Variants in CELF2 observed in about 807,000 individuals in gnomAD.
CELF2 encodes the protein CUGBP Elav-like family member 2.
In CELF2, 8 loss-of-function variants were observed where a neutral mutation model predicts 62.6. The ratio of observed to expected loss-of-function variants is 0.13; its 90% CI spans 0.07 to 0.23. CELF2 has a LOEUF of 0.23. CELF2 is among the 10% of genes least tolerant of loss of function. The probability of loss-of-function intolerance (pLI) is 1.00; values close to 1 mark genes in which losing one functional copy is unlikely to be tolerated. For synonymous variants in CELF2, 258 were observed against 250.0 expected (o/e 1.03, Z -0.30); for missense variants, 333 against 671.0 (o/e 0.50, Z 5.56).
the CELF2 span, among the ~76,000 whole-genome samples, chr10:10,711,541 G>C: frequency 6.6e-6 from 1 of 152,226 alleles, no homozygotes; most frequent in South Asian, 2.1e-4. Flanking sequence ...GCCCCAGTTT[G>C]TACATCTGGA....
the CELF2 span, among the ~76,000 whole-genome samples, chr10:10,508,637 C>A: frequency 6.7e-6 from 1 of 150,154 alleles, no homozygotes; most frequent in Non-Finnish European, 1.5e-5. Flanking sequence ...TCAATACTTC[C>A]CTCACCCAGA....
rs989284752 is a variant in CELF2, at chr10:11,332,409, C to T, written c.*3356C>T. ...TACCAGGTGTCTGGAGTTAGAAGCCCATAGCCCTTTCCCAGCCTTTTTGGT... is the reference window on the plus strand; with the variant it reads ...TACCAGGTGTCTGGAGTTAGAAGCCTATAGCCCTTTCCCAGCCTTTTTGGT... On this transcript the variant is annotated 3_prime_UTR_variant, in exon 13 of 13. Coordinates refer to ENST00000633077, the MANE Select transcript of CELF2 (RefSeq NM_001326342.2). 5.2e-5 allele frequency: 8 copies of T among 152,404 alleles called. No individual in the cohort carries two copies. Among genetic ancestry groups the T allele is most frequent in the Admixed American group, 2.0e-4 (3 of 15,278 alleles). The allele number at this position is 152,404 out of a possible 1,614,324, so 9.4% of individuals were successfully genotyped here. A position where few individuals can be genotyped will look rare whatever the true frequency, so the allele number is the denominator to read the frequency against.
At chr10:11,131,140 A>C (rs562398716) in intron 1 of CELF2, among the ~76,000 whole-genome samples, 1 of 152,262 alleles carries the variant, frequency 6.6e-6, no homozygotes, top group Admixed American at 6.5e-5. Context: ...GATTTCTTCA[A>C]AACACTTGGC....
At chr10:11,077,968 T>G (rs534717267) in intron 1 of CELF2, among the ~76,000 whole-genome samples, 1 of 152,236 alleles carries the variant, frequency 6.6e-6, no homozygotes, top group South Asian at 2.1e-4. Context: ...AAGTAATCCT[T>G]GAGAAAAGCA....
In CELF2 at chr10:10,962,377, C is replaced by A. The variant is rs550817349; in HGVS notation, c.89+42378C>A. 1.9e-3 allele frequency among the ~76,000 whole-genome samples: 295 copies of A among 152,326 alleles called. 1 individual carries two copies. Among genetic ancestry groups the A allele is most frequent in the African/African-American group, 6.9e-3 (286 of 41,580 alleles). Reference sequence around the variant, plus strand: ...GTTATAGGATAAGACCAGAATTCTGCCCTAAGGGGCTTTTGTGCTTGAAGT... The same window carrying A: ...GTTATAGGATAAGACCAGAATTCTGACCTAAGGGGCTTTTGTGCTTGAAGT... On this transcript the variant is annotated intron_variant, in intron 2 of 13. Transcript: ENST00000636488.
chr10:10,638,728 C>T, the CELF2 span, among the ~76,000 whole-genome samples: 4 of 152,172 alleles, frequency 2.6e-5, no homozygotes, highest in Non-Finnish European at 5.9e-5. Context: ...TGACTCAGGG[C>T]AAGGCAATAA....
At chr10:10,497,041 A>G in the CELF2 span, among the ~76,000 whole-genome samples, 1 of 152,102 alleles carries the variant, frequency 6.6e-6, no homozygotes, top group Non-Finnish European at 1.5e-5. Flanking sequence ...AAATACAAAA[A>G]TTAGCTGGGC....
At chr10:11,063,069 T>C (rs974258889) in intron 1 of CELF2, among the ~76,000 whole-genome samples, 8 of 152,212 alleles carry the variant, frequency 5.3e-5, no homozygotes. Context: ...AACATTAAGA[T>C]ACGTACTTTT....
chr10:10,548,788 G>A, the CELF2 span, among the ~76,000 whole-genome samples: 1 of 152,152 alleles, frequency 6.6e-6, no homozygotes, highest in African/African-American at 2.4e-5. Flanking sequence ...TTAAAAGGAT[G>A]TTTAGGGTGA....
chr10:11,038,501 G>C (rs1218353020), intron 1 of CELF2, among the ~76,000 whole-genome samples: 1 of 152,146 alleles, frequency 6.6e-6, no homozygotes, highest in Non-Finnish European at 1.5e-5. Context: ...AATCCTATTA[G>C]ACAGTGATTA....
intron 8 of CELF2, among the ~76,000 whole-genome samples, chr10:11,275,388 A>G (rs1360122720): frequency 6.6e-6 from 1 of 152,242 alleles, no homozygotes; most frequent in Non-Finnish European, 1.5e-5. Context: ...ACAAATGATT[A>G]TATCAACGAC....
intron 1 of CELF2, among the ~76,000 whole-genome samples, chr10:11,111,495 T>C (rs1330661188): frequency 2.0e-5 from 3 of 152,220 alleles, no homozygotes; most frequent in Non-Finnish European, 4.4e-5. Context: ...CCTCCCAACA[T>C]AGCCCACCAG....
intron 1 of CELF2, among the ~76,000 whole-genome samples, chr10:10,808,764 C>G (rs1009757153): frequency 1.3e-5 from 2 of 152,096 alleles, no homozygotes; most frequent in African/African-American, 2.4e-5. Flanking sequence ...TTATGAGGTG[C>G]AGAATCTTTC....
At chr10:11,253,547 T>C (rs540467991) in intron 4 of CELF2, among the ~76,000 whole-genome samples, 2 of 152,384 alleles carry the variant, frequency 1.3e-5, no homozygotes, top group South Asian at 2.1e-4. Context: ...AAATGCCATA[T>C]GTTAGCACTA....
At chr10:10,915,225 A>G (rs1160848159) in intron 1 of CELF2, among the ~76,000 whole-genome samples, 1 of 152,182 alleles carries the variant, frequency 6.6e-6, no homozygotes, top group Non-Finnish European at 1.5e-5. Flanking sequence ...AAATTAGTAC[A>G]ATTAAACTCC....
chr10:10,838,341 A>G (rs772579365), intron 1 of CELF2, among the ~76,000 whole-genome samples: 10 of 152,178 alleles, frequency 6.6e-5, no homozygotes, highest in Admixed American at 2.0e-4. Context: ...CACCTCAGTC[A>G]TCTGGTGTTG....
intron 4 of CELF2, 44 bp downstream of exon 4, chr10:11,249,245 C>T (rs2076445417): frequency 6.6e-7 from 1 of 1,509,918 alleles, no homozygotes; most frequent in Admixed American, 1.7e-5. Flanking sequence ...ATATCTGCTG[C>T]TTTAAATTAC....
chr10:11,054,489 T>TGTG (rs1554804023), intron 1 of CELF2, among the ~76,000 whole-genome samples: 10 of 149,474 alleles, frequency 6.7e-5, no homozygotes, highest in Non-Finnish European at 1.2e-4. Flanking sequence ...GTATGTGTGT[T>TGTG]TGTGTGTGTG....
the CELF2 span, among the ~76,000 whole-genome samples, chr10:10,511,267 TG>T: frequency 6.6e-6 from 1 of 151,990 alleles, no homozygotes; most frequent in Non-Finnish European, 1.5e-5. Context: ...AAAAATTAGC[TG>T]GGCATGGTGG....
Sources: allele counts gnomAD v4.1 joint callset (sites outside exome capture counted in the v4.1 genomes callset), GRCh38; gene constraint gnomAD v4.1.1; transcripts MANE v1.5; gene names NCBI Gene and HGNC (gene_info 2026-07-23, HGNC 2026-07-21).